Variants in XRN1 observed in about 807,000 individuals in gnomAD.
XRN1 encodes 5'-3' exoribonuclease 1, also known as strand-exchange protein 1 homolog.
Under a neutral mutation model 222.3 loss-of-function variants are expected in XRN1, and 67 were observed. The ratio of observed to expected loss-of-function variants is 0.30; its 90% confidence interval spans 0.25 to 0.37. XRN1 has a LOEUF of 0.37. XRN1 is among the 10% of genes least tolerant of loss of function. XRN1 has a pLI of 1.00. For synonymous variants in XRN1, 643 were observed against 652.4 expected (o/e 0.99, Z 0.22); for missense variants, 1,707 against 2,000.2 (o/e 0.85, Z 2.80).
In XRN1 at chr3:142,375,267, A is replaced by T. The variant is rs546455549; in HGVS notation, c.2978+531T>A. Among the ~76,000 whole-genome samples, 9 of 152,342 alleles carry T rather than the reference A, an allele frequency of 5.9e-5. No individual in the cohort carries two copies. The South Asian group carries it at 1.9e-3, about 32-fold the overall frequency. On this transcript the variant is annotated intron_variant, in intron 25 of 40. Coordinates refer to ENST00000392981, the MANE Select transcript of XRN1 (RefSeq NM_001282857.2). The stretch of plus-strand genomic sequence containing the variant: ...AAACCAGTGGAATAATGGAAAGAAC[A>T]TTAAATTATGAATCAGATGTAAATA...
At chr3:142,411,739 C>T (rs567649958) in intron 15 of XRN1, among the ~76,000 whole-genome samples, 1 of 152,086 alleles carries the variant, frequency 6.6e-6, no homozygotes, top group East Asian at 1.9e-4. Context: ...TATGGGGATC[C>T]CCCAGATCTT....
chr3:142,373,392 A>G (rs936372453), intron 25 of XRN1, among the ~76,000 whole-genome samples: 10 of 152,204 alleles, frequency 6.6e-5, no homozygotes, highest in Middle Eastern at 3.4e-3. Flanking sequence ...AAGGATTCCC[A>G]GAAATAGAAA....
intron 20 of XRN1, among the ~76,000 whole-genome samples, chr3:142,395,708 G>T (rs1245144981): frequency 1.3e-5 from 2 of 152,182 alleles, no homozygotes; most frequent in Non-Finnish European, 2.9e-5. Flanking sequence ...ATACGGTGTG[G>T]TTTATTACCT....
chr3:142,400,290 A>T (rs1251373903), intron 19 of XRN1, among the ~76,000 whole-genome samples, 154 bp downstream of exon 19: 1 of 152,256 alleles, frequency 6.6e-6, no homozygotes, highest in Non-Finnish European at 1.5e-5. Flanking sequence ...TAGTGTTTGA[A>T]CTTCAAGTGG....
intron 33 of XRN1, among the ~76,000 whole-genome samples, chr3:142,336,003 C>T (rs2065842420): frequency 6.6e-6 from 1 of 152,130 alleles, no homozygotes; most frequent in Non-Finnish European, 1.5e-5. Flanking sequence ...TAAAATATGG[C>T]CATAGCCTAT....
At chr3:142,393,028 G>C (rs1172503754) in intron 20 of XRN1, among the ~76,000 whole-genome samples, 3 of 151,784 alleles carry the variant, frequency 2.0e-5, no homozygotes, top group Admixed American at 6.6e-5. Context: ...TAACTGGTGT[G>C]AGATGGTATC....
chr3:142,357,242 G>T, intron 30 of XRN1, 123 bp from the exon 31 acceptor site: 1 of 869,188 alleles, frequency 1.2e-6, no homozygotes, highest in Non-Finnish European at 1.8e-6. Flanking sequence ...TTTTTAATTC[G>T]GTAGAGGAAC....
At chr3:142,429,473 A>G (rs2069424166) in intron 2 of XRN1, among the ~76,000 whole-genome samples, 1 of 152,066 alleles carries the variant, frequency 6.6e-6, no homozygotes, top group Non-Finnish European at 1.5e-5. Context: ...TCTTGTCAGG[A>G]AATTTTAGTG....
intron 20 of XRN1, among the ~76,000 whole-genome samples, chr3:142,392,310 C>T (rs988565020): frequency 2.0e-5 from 3 of 148,680 alleles, no homozygotes; most frequent in Non-Finnish European, 4.4e-5. Flanking sequence ...TTCATTTCAC[C>T]TAAGCCAGCA....
At chr3:142,399,418 C>T (rs2068046563) in intron 19 of XRN1, among the ~76,000 whole-genome samples, 1 of 151,980 alleles carries the variant, frequency 6.6e-6, no homozygotes, top group Non-Finnish European at 1.5e-5. Context: ...AGATCTGCCC[C>T]TTATACCTTA....
In XRN1 at chr3:142,430,505, T is replaced by C. The variant is rs564913302; in HGVS notation, c.308+2156A>G. Among the ~76,000 whole-genome samples the C allele has an allele frequency of 3.3e-5, 5 of 152,350 alleles. 1 individual carries two copies. In the South Asian group the frequency reaches 1.0e-3, roughly 32 times the overall value. On this transcript the variant is annotated intron_variant, in intron 2 of 40. Transcript: ENST00000392981. ...TGGGTGGTATTTGAGAATTTAAATATTACTCAGAGATGGCCCTTGCCTTCA... is the reference window on the plus strand; with the variant it reads ...TGGGTGGTATTTGAGAATTTAAATACTACTCAGAGATGGCCCTTGCCTTCA...
chr3:142,313,904 C>T (rs925010295), intron 39 of XRN1, among the ~76,000 whole-genome samples: 4 of 152,114 alleles, frequency 2.6e-5, no homozygotes, highest in Non-Finnish European at 5.9e-5. Context: ...CATGTCACTG[C>T]ACTTTAACTT....
Position 142,414,837 on chromosome 3 carries a change from T to G in XRN1, c.1437-546A>C, listed in dbSNP as rs113866508. On this transcript the variant is annotated intron_variant, in intron 13 of 40. Transcript: ENST00000392981. ...AAGTGTGGTTTCACATTTCTGAAAT[T>G]GGGATGAATCAGGTAATTGAAAAAC... Among the ~76,000 whole-genome samples, 358 of 152,312 alleles carry G rather than the reference T, an allele frequency of 2.4e-3. 1 individual carries two copies. The highest frequency in any genetic ancestry group is 7.9e-3 in the African/African-American group (328 of 41,568).
intron 15 of XRN1, chr3:142,407,733 G>GT (rs944998728): frequency 2.6e-4 from 39 of 149,506 alleles, no homozygotes; most frequent in Admixed American, 6.7e-4. Flanking sequence ...TATCATTCCA[G>GT]TTTTTTTTTT....
intron 33 of XRN1, among the ~76,000 whole-genome samples, chr3:142,336,107 G>T (rs186870075): frequency 1.3e-5 from 2 of 152,236 alleles, no homozygotes; most frequent in East Asian, 1.9e-4. Flanking sequence ...GAAATGAAAA[G>T]AATGAATTTG....
At position 142,403,574 on chromosome 3, in the gene XRN1, T is replaced by C. The variant is rs751193338; in HGVS notation, c.2103+100A>G. On this transcript the variant is annotated intron_variant, in intron 18 of 40. Coordinates refer to ENST00000392981, the MANE Select transcript of XRN1 (RefSeq NM_001282857.2). Reference sequence around the variant, plus strand: ...CATCCTTATTTAGGCTCCAAATTTCTAGAGTTACAACATATAATACCTCCC... The same window carrying C: ...CATCCTTATTTAGGCTCCAAATTTCCAGAGTTACAACATATAATACCTCCC... 7.7e-5 allele frequency: 82 copies of C among 1,069,154 alleles called. No homozygotes were observed. In the African/African-American group the frequency reaches 1.2e-3, roughly 16 times the overall value. 66.2% of individuals were successfully genotyped at this position (1,069,154 alleles called of 1,614,324 possible). A position where few individuals can be genotyped will look rare whatever the true frequency, so the allele number is the denominator to read the frequency against.
At chr3:142,430,071 A>C (rs1313071027) in intron 2 of XRN1, among the ~76,000 whole-genome samples, 1 of 152,212 alleles carries the variant, frequency 6.6e-6, no homozygotes. Context: ...ATTGGATCAC[A>C]GATAAAGGAG....
intron 32 of XRN1, among the ~76,000 whole-genome samples, chr3:142,349,005 T>C (rs568185926): frequency 9.2e-5 from 14 of 152,166 alleles, no homozygotes; most frequent in Admixed American, 3.3e-4. Flanking sequence ...GAGGCTGCAG[T>C]GCAGTGGGGT....
rs967241248 is a variant in XRN1 at position 142,311,441 on chromosome 3, A to C, written c.*70T>G. The C allele has an allele frequency of 5.9e-6, 8 of 1,345,208 alleles. No homozygotes were observed. In the African/African-American group the frequency reaches 8.8e-5, roughly 15 times the overall value. 83.3% of individuals were successfully genotyped at this position (1,345,208 alleles called of 1,614,324 possible). On this transcript the variant is annotated 3_prime_UTR_variant, in exon 41 of 41. Coordinates refer to ENST00000392981, the MANE Select transcript of XRN1 (RefSeq NM_001282857.2). ...AAAATAGTACATTCTAATTTTTATGAGACATAGATATGTATTTATAAAAAG... is the reference window on the plus strand; with the variant it reads ...AAAATAGTACATTCTAATTTTTATGCGACATAGATATGTATTTATAAAAAG...
Sources: allele counts gnomAD v4.1 joint callset (sites outside exome capture counted in the v4.1 genomes callset), GRCh38; gene constraint gnomAD v4.1.1; transcripts MANE v1.5; gene names NCBI Gene and HGNC (gene_info 2026-07-23, HGNC 2026-07-21).